WARS2: variants seen among roughly 807,000 people sequenced by gnomAD.
The protein encoded by WARS2 is tryptophan--tRNA ligase, mitochondrial.
A neutral mutation model predicts 36.5 loss-of-function variants in WARS2; 28 were observed. The observed-to-expected ratio is 0.77, with a 90% CI of 0.57 to 1.05. The LOEUF (loss-of-function observed/expected upper bound fraction) is 1.05, where lower values mean the gene tolerates loss of function less well. Ranked by LOEUF, WARS2 falls within the 50% of genes least tolerant of loss-of-function variation. The pLI is 0.00. For synonymous variants in WARS2, 174 were observed against 178.4 expected (o/e 0.98, Z 0.20); for missense variants, 435 against 456.8 (o/e 0.95, Z 0.44).
rs987786001 is a variant in WARS2, at chr1:119,129,727, T to A, written c.90+10828A>T. On this transcript the variant is annotated intron_variant, in intron 1 of 5. Coordinates refer to ENST00000235521, the MANE Select transcript of WARS2 (RefSeq NM_015836.4). ...GATACTCTATCTCAAAAAATAAAAA[T>A]AAAAAAAAAATAAAATAAAATAAAT... is the stretch of plus-strand genomic sequence containing the variant. Among the ~76,000 whole-genome samples, 15 of 148,690 alleles carry A rather than the reference T, an allele frequency of 1.0e-4. 3 individuals carry two copies. Among genetic ancestry groups the A allele is most frequent in the African/African-American group, 3.0e-4 (12 of 40,286 alleles).
intron 1 of WARS2, among the ~76,000 whole-genome samples, chr1:119,095,642 A>T (rs1459786750): frequency 1.3e-5 from 2 of 152,142 alleles, no homozygotes; most frequent in Non-Finnish European, 1.5e-5. Context: ...CATCTTGGCC[A>T]GGCTGGTCTT....
intron 2 of WARS2, among the ~76,000 whole-genome samples, chr1:119,052,686 T>C (rs961901182): frequency 6.6e-6 from 1 of 152,192 alleles, no homozygotes; most frequent in African/African-American, 2.4e-5. Flanking sequence ...TGTGTGTGTT[T>C]ACCTGTAACA....
intron 2 of WARS2, among the ~76,000 whole-genome samples, chr1:119,057,374 G>C (rs1295783053): frequency 2.0e-5 from 3 of 151,582 alleles, no homozygotes; most frequent in Non-Finnish European, 4.4e-5. Flanking sequence ...TTGAACTCCT[G>C]ATCTCGTGAT....
At chr1:119,057,486 TG>T (rs1557947903) in intron 2 of WARS2, among the ~76,000 whole-genome samples, 1 of 151,950 alleles carries the variant, frequency 6.6e-6, no homozygotes, top group Non-Finnish European at 1.5e-5. Context: ...TCAAATAAAG[TG>T]GCCATTTAAA....
At chr1:119,077,178 G>A (rs965308135) in intron 1 of WARS2, among the ~76,000 whole-genome samples, 4 of 145,910 alleles carry the variant, frequency 2.7e-5, no homozygotes, top group Admixed American at 6.9e-5. Flanking sequence ...AAGAGCATGT[G>A]ATCTAATTGG....
intron 1 of WARS2, among the ~76,000 whole-genome samples, chr1:119,099,346 C>T (rs1200529256): frequency 6.6e-6 from 1 of 152,100 alleles, no homozygotes; most frequent in Non-Finnish European, 1.5e-5. Flanking sequence ...GTTTTTTAAT[C>T]CCAATCTTTA....
intron 2 of WARS2, among the ~76,000 whole-genome samples, chr1:119,054,723 A>G (rs1649632245): frequency 6.6e-6 from 1 of 152,230 alleles, no homozygotes; most frequent in African/African-American, 2.4e-5. Context: ...AGCCTTAAAA[A>G]TTAAGAAAAT....
chr1:119,095,797 C>G (rs746443528), intron 1 of WARS2, among the ~76,000 whole-genome samples: 71 of 152,182 alleles, frequency 4.7e-4, no homozygotes, highest in Non-Finnish European at 9.0e-4. Flanking sequence ...GCCTCTTATA[C>G]AAGTTGTAAA....
At position 119,033,171 on chromosome 1, in the gene WARS2, T is replaced by C. The variant is rs758874637; in HGVS notation, c.823A>G (p.Ile275Val). ...GTCACCGCGGCATGCACCGCCACTA[T>C]GTTGGACACGCCAGCGCGGCCAGCC... ...DPAGRAGVSN[I>V]VAVHAAVTGL... The change falls in exon 6 of 6, where the codon ATA (isoleucine) becomes GTA (valine). Residue 275 changes from isoleucine to valine, a missense_variant. By Grantham distance (29) the Ile-to-Val change is conservative. Transcript: ENST00000235521. 7 of 1,614,200 alleles carry C rather than the reference T, an allele frequency of 4.3e-6. No individual in the cohort carries two copies. The highest frequency in any genetic ancestry group is 4.5e-5 in the East Asian group (2 of 44,888).
At chr1:119,109,404 G>C (rs1297465814) in intron 1 of WARS2, among the ~76,000 whole-genome samples, 1 of 151,908 alleles carries the variant, frequency 6.6e-6, no homozygotes. Flanking sequence ...GGATTATCAT[G>C]TCTTTTTAGA....
chr1:119,074,455 A>G (rs1022656259), intron 2 of WARS2, among the ~76,000 whole-genome samples: 3 of 152,230 alleles, frequency 2.0e-5, no homozygotes, highest in African/African-American at 7.2e-5. Flanking sequence ...ATGGAGGTAG[A>G]TATTTGGTCA....
At chr1:119,079,973 G>C (rs1391937596) in intron 1 of WARS2, among the ~76,000 whole-genome samples, 2 of 152,014 alleles carry the variant, frequency 1.3e-5, no homozygotes, top group East Asian at 3.9e-4. Context: ...TGAGAATTGA[G>C]AGAGAGAGAG....
At chr1:119,082,261 A>G in intron 1 of WARS2, 6 of 985,352 alleles carry the variant, frequency 6.1e-6, no homozygotes, top group Non-Finnish European at 6.0e-6. Flanking sequence ...TCTTAAAAAT[A>G]TTCCCCCACA....
chr1:119,066,829 C>T (rs1650921935), intron 2 of WARS2, among the ~76,000 whole-genome samples: 1 of 152,126 alleles, frequency 6.6e-6, no homozygotes, highest in South Asian at 2.1e-4. Context: ...AAACTGACAA[C>T]ATTCACTGAG....
chr1:119,067,744 A>G (rs1321299956), intron 2 of WARS2, among the ~76,000 whole-genome samples: 1 of 152,202 alleles, frequency 6.6e-6, no homozygotes, highest in East Asian at 1.9e-4. Flanking sequence ...CCACTTGCCC[A>G]TAGTCTCACA....
rs987468731 is a variant in WARS2, at chr1:119,060,073, C to T, written c.349-14411G>A. Among the ~76,000 whole-genome samples, 3 of 152,124 alleles carry T rather than the reference C, an allele frequency of 2.0e-5. No homozygotes were observed. In the South Asian group the frequency reaches 6.2e-4, roughly 32 times the overall value. On this transcript the variant is annotated intron_variant, in intron 2 of 5. Coordinates refer to ENST00000235521, the MANE Select transcript of WARS2 (RefSeq NM_015836.4). ...CCTATGTAACAAACCTGCACTTGTA[C>T]TCCTGAACTTAAAAGTTTAAAAGAT...
chr1:119,051,336 G>A (rs12077366), intron 2 of WARS2, among the ~76,000 whole-genome samples: 49,421 of 151,954 alleles, frequency 0.33, 9,472 homozygotes, highest in African/African-American at 0.54. Flanking sequence ...CTCCAGCTCC[G>A]TCCATGTTCC....
At chr1:119,095,268 G>A (rs12739100) in intron 1 of WARS2, among the ~76,000 whole-genome samples, 9,090 of 152,218 alleles carry the variant, frequency 0.06, 528 homozygotes, top group East Asian at 0.22. Flanking sequence ...ACACCATCTA[G>A]AGAGAAAGCT....
chr1:119,066,217 C>T (rs965983511), intron 2 of WARS2, among the ~76,000 whole-genome samples: 16 of 152,068 alleles, frequency 1.1e-4, no homozygotes, highest in African/African-American at 3.6e-4. Context: ...GTGGCTCACG[C>T]CTGTAATCCC....
Sources: allele counts gnomAD v4.1 joint callset (sites outside exome capture counted in the v4.1 genomes callset), GRCh38; gene constraint gnomAD v4.1.1; transcripts MANE v1.5; gene names NCBI Gene and HGNC (gene_info 2026-07-23, HGNC 2026-07-21).